Variants in SPAG16 observed in about 807,000 individuals in gnomAD.
The protein encoded by SPAG16 is sperm associated antigen 16.
In SPAG16, 86 loss-of-function variants were observed where a neutral mutation model predicts 80.4. That is an observed-to-expected ratio of 1.07 (90% confidence interval 0.90 to 1.28). SPAG16 has a LOEUF of 1.28. Ranked by LOEUF, SPAG16 falls within the 50% of genes most tolerant of loss-of-function variation. SPAG16 has a pLI of 0.00. For synonymous variants in SPAG16, 294 were observed against 265.9 expected, an observed-to-expected ratio of 1.11 and a Z score of -1.03; for missense variants, 870 against 765.3, an observed-to-expected ratio of 1.14 and a Z score of -1.61.
chr2:214,193,395 ATG>A (rs60839638), intron 15 of SPAG16, among the ~76,000 whole-genome samples: 49,164 of 124,758 alleles, frequency 0.39, 9,238 homozygotes, highest in African/African-American at 0.47. Flanking sequence ...GAGATCTTTT[ATG>A]TGTGTGTGTG....
intron 15 of SPAG16, among the ~76,000 whole-genome samples, chr2:214,366,498 CAT>C (rs1353943652): frequency 1.3e-5 from 2 of 152,240 alleles, no homozygotes; most frequent in African/African-American, 2.4e-5. Context: ...GGTTTAAAAA[CAT>C]ATATGTTTCT....
chr2:213,993,542 T>C (rs2046378072), intron 12 of SPAG16, among the ~76,000 whole-genome samples: 1 of 152,196 alleles, frequency 6.6e-6, no homozygotes, highest in Admixed American at 6.5e-5. Flanking sequence ...AGCCTAGTTC[T>C]AGGTTCAGGC....
In SPAG16 at chr2:214,362,540, C is replaced by G. The variant is rs146386847; in HGVS notation, c.1721-47600C>G. ...TCTTTTTTTCTTAATGCGGGGAATCCTGACAATCTCGCATCCTCTCCAGCC... is the reference window on the plus strand; with the variant it reads ...TCTTTTTTTCTTAATGCGGGGAATCGTGACAATCTCGCATCCTCTCCAGCC... On this transcript the variant is annotated intron_variant, in intron 15 of 15. Coordinates refer to ENST00000331683, the MANE Select transcript of SPAG16 (RefSeq NM_024532.5). Among the ~76,000 whole-genome samples, 19 of 151,884 alleles carry G rather than the reference C, an allele frequency of 1.3e-4. No individual in the cohort carries two copies. The East Asian group carries it at 3.7e-3, about 29-fold the overall frequency.
At chr2:214,352,565 T>TGTGTGTGTGTGTGTGTGTGTGTGTGA (rs375089345) in intron 15 of SPAG16, among the ~76,000 whole-genome samples, 1,935 of 64,796 alleles carry the variant, frequency 0.03, 27 homozygotes, top group Middle Eastern at 0.071. Context: ...TCTCTGTGTG[T>TGTGTGTGTGTGTGTGTGTGTGTGTGA]GTGTGTGTGT....
At chr2:213,921,707 C>A (rs1222055939) in intron 11 of SPAG16, among the ~76,000 whole-genome samples, 1 of 152,146 alleles carries the variant, frequency 6.6e-6, no homozygotes, top group Non-Finnish European at 1.5e-5. Flanking sequence ...CTTTCAGGAC[C>A]ACTTGTAAGG....
chr2:213,396,666 A>C (rs1309241351), intron 9 of SPAG16: 4 of 456,562 alleles, frequency 8.8e-6, no homozygotes, highest in Non-Finnish European at 1.8e-5. Context: ...ACAAGAGAAC[A>C]ACAGTGCACA....
chr2:213,915,363 A>T (rs1288375466), intron 11 of SPAG16, among the ~76,000 whole-genome samples: 1 of 151,106 alleles, frequency 6.6e-6, no homozygotes, highest in African/African-American at 2.4e-5. Context: ...CCCACTTATG[A>T]GTGAGAACAT....
intron 12 of SPAG16, among the ~76,000 whole-genome samples, chr2:213,988,579 G>A (rs1194039543): frequency 2.6e-5 from 4 of 151,922 alleles, no homozygotes; most frequent in African/African-American, 9.7e-5. Flanking sequence ...GTGGGATAGT[G>A]TTCAGCAAGG....
chr2:213,697,304 G>A (rs1301469145), intron 10 of SPAG16, among the ~76,000 whole-genome samples: 2 of 152,170 alleles, frequency 1.3e-5, no homozygotes, highest in Non-Finnish European at 2.9e-5. Flanking sequence ...TAAATATGCA[G>A]TGCAGTGGAG....
chr2:213,340,275 G>A lies in SPAG16; in HGVS notation c.644+5G>A. 6.5e-7 allele frequency: 1 copy of A among 1,537,018 alleles called. No homozygotes were observed. Among genetic ancestry groups the A allele is most frequent in the Non-Finnish European group, 8.9e-7 (1 of 1,119,796 alleles). ...ATTAATTAATGACCTCAAAGGGTAA[G>A]CTTATACTTGTTGGCATATTTATTA... On this transcript the variant is annotated splice_donor_5th_base_variant and intron_variant, in intron 6 of 15. Coordinates refer to ENST00000331683, the MANE Select transcript of SPAG16 (RefSeq NM_024532.5).
At chr2:213,816,662 AAGAT>A (rs756904064) in intron 10 of SPAG16, among the ~76,000 whole-genome samples, 20 of 152,110 alleles carry the variant, frequency 1.3e-4, no homozygotes, top group Non-Finnish European at 1.9e-4. Flanking sequence ...GTGTGATAAA[AAGAT>A]AGCCTTTACA....
chr2:213,455,819 T>C (rs1056890641), intron 9 of SPAG16, among the ~76,000 whole-genome samples: 1 of 152,202 alleles, frequency 6.6e-6, no homozygotes, highest in Non-Finnish European at 1.5e-5. Flanking sequence ...GGTTCCAGTC[T>C]GCCACTGGAG....
At chr2:213,816,549 C>T (rs547282891) in intron 10 of SPAG16, among the ~76,000 whole-genome samples, 47 of 151,926 alleles carry the variant, frequency 3.1e-4, no homozygotes, top group African/African-American at 7.2e-4. Context: ...GCTAAATTTT[C>T]GGCATTAAAA....
At chr2:213,869,039 G>T (rs1007965581) in intron 11 of SPAG16, among the ~76,000 whole-genome samples, 6 of 151,360 alleles carry the variant, frequency 4.0e-5, no homozygotes, top group African/African-American at 1.5e-4. Context: ...ATCACCTGAG[G>T]TCAGGATTTC....
chr2:213,825,680 G>A (rs1172273397), intron 10 of SPAG16, among the ~76,000 whole-genome samples: 6 of 134,152 alleles, frequency 4.5e-5, no homozygotes, highest in Non-Finnish European at 9.5e-5. Context: ...TTAGCCTGTA[G>A]TTTTCTTTCT....
chr2:213,733,094 T>C (rs916080520), intron 10 of SPAG16, among the ~76,000 whole-genome samples: 1 of 152,232 alleles, frequency 6.6e-6, no homozygotes, highest in Non-Finnish European at 1.5e-5. Context: ...TGGTATCTCA[T>C]TGTGGTTTTG....
At chr2:213,375,823 A>G (rs1251308726) in intron 9 of SPAG16, among the ~76,000 whole-genome samples, 2 of 151,968 alleles carry the variant, frequency 1.3e-5, no homozygotes, top group East Asian at 3.9e-4. Context: ...TAATTCTAGA[A>G]GAAGAATAGA....
chr2:213,777,447 C>G (rs1193414823), intron 10 of SPAG16, among the ~76,000 whole-genome samples: 2 of 151,590 alleles, frequency 1.3e-5, no homozygotes, highest in African/African-American at 4.9e-5. Flanking sequence ...CGCTCTGTCT[C>G]CCAGGCTGGA....
At chr2:214,035,190 C>T (rs958462795) in intron 13 of SPAG16, among the ~76,000 whole-genome samples, 3 of 152,074 alleles carry the variant, frequency 2.0e-5, no homozygotes, top group Non-Finnish European at 4.4e-5. Context: ...GAGTCTGGGG[C>T]TTTTATGGGC....
Sources: allele counts gnomAD v4.1 joint callset (sites outside exome capture counted in the v4.1 genomes callset), GRCh38; gene constraint gnomAD v4.1.1; transcripts MANE v1.5; gene names NCBI Gene and HGNC (gene_info 2026-07-23, HGNC 2026-07-21).